GRM3: variants seen among roughly 807,000 people sequenced by gnomAD.
GRM3 encodes the protein glutamate metabotropic receptor 3, also known as metabotropic glutamate receptor 3.
Under a neutral mutation model 70.5 loss-of-function variants are expected in GRM3, and 26 were observed. The observed-to-expected ratio is 0.37, with a 90% CI of 0.27 to 0.51. GRM3 has a LOEUF of 0.51. GRM3 is among the 20% of genes least tolerant of loss of function. The pLI is 0.93. For synonymous variants in GRM3, 443 were observed against 434.9 expected, an observed-to-expected ratio of 1.02 and a Z score of -0.23; for missense variants, 859 against 1,123.8, an observed-to-expected ratio of 0.76 and a Z score of 3.37.
chr7:86,832,876 C>T (rs1335992012), intron 3 of GRM3: 1 of 213,794 alleles, frequency 4.7e-6, no homozygotes, highest in Non-Finnish European at 8.0e-6. Flanking sequence ...TGACCCAAAG[C>T]CACATCCGAC....
chr7:86,796,733 C>T (rs1055885924), intron 3 of GRM3, among the ~76,000 whole-genome samples: 39 of 152,072 alleles, frequency 2.6e-4, no homozygotes, highest in Admixed American at 2.6e-3. Context: ...TCTCTTATTT[C>T]CTTGAGCAGT....
rs1798736899 is a variant in GRM3, at chr7:86,850,536, A to G, written c.2558A>G (p.Tyr853Cys). The G allele has an allele frequency of 6.2e-7, 1 of 1,600,598 alleles. No individual in the cohort carries two copies. The highest frequency in any genetic ancestry group is 8.6e-7 in the Non-Finnish European group (1 of 1,168,094). ...RFSVSGTGTT[Y>C]SQSSASTYVP... The stretch of plus-strand genomic sequence containing the variant: ...AGTGTCAGTGGAACTGGGACCACAT[A>G]CTCTCAGTGTAAGTATGGAACTCAG... Residue 853 changes from tyrosine to cysteine, a missense_variant, in exon 5 of 6, where the codon TAC becomes TGC. Physicochemically the swap from Tyr to Cys is radical, Grantham distance 194. Coordinates refer to ENST00000361669, the MANE Select transcript of GRM3 (RefSeq NM_000840.3).
At chr7:86,670,382 CCAAATTCCAAGTTCA>C (rs1794140699) in intron 1 of GRM3, among the ~76,000 whole-genome samples, 1 of 152,142 alleles carries the variant, frequency 6.6e-6, no homozygotes, top group African/African-American at 2.4e-5. Flanking sequence ...AATCATGTTC[CCAAATTCCAAGTTCA>C]CATTTCCAAA....
intron 1 of GRM3, among the ~76,000 whole-genome samples, chr7:86,722,960 C>A (rs1000125822): frequency 2.0e-5 from 3 of 152,060 alleles, no homozygotes; most frequent in South Asian, 4.2e-4. Flanking sequence ...TTTATTCCAC[C>A]TTTTCACTCA....
chr7:86,845,196 T>C (rs1446524174), intron 4 of GRM3, among the ~76,000 whole-genome samples: 1 of 152,150 alleles, frequency 6.6e-6, no homozygotes, highest in Non-Finnish European at 1.5e-5. Context: ...AGCCTCGTCC[T>C]GATTTCTACA....
chr7:86,689,756 T>C (rs752077834), intron 1 of GRM3, among the ~76,000 whole-genome samples: 4 of 152,180 alleles, frequency 2.6e-5, no homozygotes, highest in Non-Finnish European at 5.9e-5. Flanking sequence ...GATGCCTTGA[T>C]GGACAAAACA....
intron 2 of GRM3, among the ~76,000 whole-genome samples, chr7:86,783,629 G>A (rs989703018): frequency 1.2e-4 from 19 of 152,070 alleles, no homozygotes; most frequent in African/African-American, 3.6e-4. Flanking sequence ...TACAAATAAG[G>A]CTGAGGTGGA....
intron 3 of GRM3, among the ~76,000 whole-genome samples, chr7:86,789,572 G>GTT (rs1241712125): frequency 6.6e-6 from 1 of 152,042 alleles, no homozygotes; most frequent in African/African-American, 2.4e-5. Context: ...CAGTATCTTT[G>GTT]TTTTTTCTAA....
intron 1 of GRM3, among the ~76,000 whole-genome samples, chr7:86,665,747 C>T (rs802426): frequency 0.7 from 106,354 of 151,884 alleles, 37,751 homozygotes; most frequent in East Asian, 0.88. Flanking sequence ...AATTATCATG[C>T]GTTATAAGGA....
chr7:86,721,948 A>G (rs1378580358), intron 1 of GRM3, among the ~76,000 whole-genome samples: 1 of 152,270 alleles, frequency 6.6e-6, no homozygotes. Flanking sequence ...ACTCCTGGAA[A>G]CTAGAATTGG....
At chr7:86,716,135 A>C (rs1450822320) in intron 1 of GRM3, among the ~76,000 whole-genome samples, 1 of 151,992 alleles carries the variant, frequency 6.6e-6, no homozygotes, top group East Asian at 1.9e-4. Context: ...AAGATCCTCA[A>C]ATGTATTCCC....
chr7:86,684,416 A>T (rs1278229867), intron 1 of GRM3, among the ~76,000 whole-genome samples: 1 of 152,238 alleles, frequency 6.6e-6, no homozygotes, highest in Non-Finnish European at 1.5e-5. Context: ...TTCAATGCAC[A>T]ATGTAGTAAA....
intron 1 of GRM3, among the ~76,000 whole-genome samples, chr7:86,680,106 A>C (rs1794407566): frequency 6.6e-6 from 1 of 152,126 alleles, no homozygotes. Context: ...TTGCTAGAGT[A>C]TGCTGAGAAG....
intron 3 of GRM3, among the ~76,000 whole-genome samples, chr7:86,801,019 T>C (rs1797668080): frequency 6.6e-6 from 1 of 151,628 alleles, no homozygotes; most frequent in African/African-American, 2.4e-5. Flanking sequence ...ACAAGTTGGC[T>C]AGCAACTAGT....
At chr7:86,646,009 G>A (rs1793459461) in intron 1 of GRM3, among the ~76,000 whole-genome samples, 2 of 104,334 alleles carry the variant, frequency 1.9e-5, no homozygotes, top group Non-Finnish European at 4.0e-5. Context: ...GGGGGGGTGG[G>A]GGGGGGTGGG....
At chr7:86,789,158 A>T (rs1797344381) in intron 3 of GRM3, among the ~76,000 whole-genome samples, 1 of 152,158 alleles carries the variant, frequency 6.6e-6, no homozygotes, top group African/African-American at 2.4e-5. Context: ...AGCCTTCTCA[A>T]TTTGACAGAC....
At chr7:86,657,043 T>C (rs1007335306) in intron 1 of GRM3, among the ~76,000 whole-genome samples, 3 of 152,206 alleles carry the variant, frequency 2.0e-5, no homozygotes, top group African/African-American at 7.2e-5. Context: ...ACTTTAGGAA[T>C]TGTGATAATC....
intron 4 of GRM3, among the ~76,000 whole-genome samples, chr7:86,842,404 G>C (rs1431115012): frequency 6.6e-6 from 1 of 152,116 alleles, no homozygotes; most frequent in Non-Finnish European, 1.5e-5. Flanking sequence ...CCTGAGTAGT[G>C]CTCACCCCTG....
chr7:86,805,798 T>G (rs965105198), intron 3 of GRM3, among the ~76,000 whole-genome samples: 36 of 152,204 alleles, frequency 2.4e-4, no homozygotes, highest in African/African-American at 8.4e-4. Flanking sequence ...GTGCACAACA[T>G]GCAGATTTGT....
Sources: gnomAD v4.1 joint callset for allele counts (sites outside exome capture counted in the v4.1 genomes callset) on GRCh38, gnomAD v4.1.1 for gene constraint, MANE v1.5 for transcripts, NCBI Gene and HGNC (gene_info 2026-07-23, HGNC 2026-07-21) for gene names.